The following ROBO2 variants were observed in gnomAD, a reference collection of about 807,000 sequenced individuals.
The protein encoded by ROBO2 is roundabout homolog 2.
A neutral mutation model predicts 160.8 loss-of-function variants in ROBO2; 53 were observed. The ratio of observed to expected loss-of-function variants is 0.33; its 90% CI spans 0.26 to 0.41. The LOEUF (loss-of-function observed/expected upper bound fraction) is 0.41. Among genes scored for constraint, ROBO2 ranks in the 10% least tolerant of loss-of-function variants. The pLI is 1.00. For missense variants in ROBO2, 1,577 were observed against 1,722.4 expected (o/e 0.92, Z 1.49); for synonymous variants, 664 against 611.7 (o/e 1.09, Z -1.26).
intron 2 of ROBO2, among the ~76,000 whole-genome samples, chr3:76,569,597 A>G (rs1166797193): frequency 6.6e-6 from 1 of 152,160 alleles, no homozygotes; most frequent in East Asian, 1.9e-4. Flanking sequence ...GTGATTCAGT[A>G]ATATTTTAAT....
In ROBO2 at chr3:77,040,386, AAC is replaced by A. The variant is rs1388855125; in HGVS notation, c.-397_-396del. The A allele has an allele frequency of 2.0e-6, 2 of 1,009,662 alleles. No individual in the cohort carries two copies. The highest frequency in any genetic ancestry group is 2.4e-6 in the Non-Finnish European group (2 of 846,538). The allele number at this position is 1,009,662 out of a possible 1,614,324, so 62.5% of individuals were successfully genotyped here. ...CGGCAGCGCGCTGGCAAGTTTGTGG[AAC>A]ACTTTCTAGGAATTAGGTCTTTTCC... is the stretch of plus-strand genomic sequence containing the variant. On this transcript the variant is annotated 5_prime_UTR_variant, in exon 1 of 26. An upstream open reading frame in the 5' UTR gains an earlier in-frame stop. Coordinates refer to ENST00000461745, the Ensembl canonical transcript of ROBO2.
At chr3:76,628,447 T>TTC (rs895477647) in intron 2 of ROBO2, among the ~76,000 whole-genome samples, 4 of 151,180 alleles carry the variant, frequency 2.6e-5, no homozygotes, top group Non-Finnish European at 4.4e-5. Flanking sequence ...TTTTTTTTTT[T>TTC]TTTAGAGATG....
intron 19 of ROBO2, 75 bp from the exon 21 acceptor site, chr3:77,602,135 T>G: frequency 6.8e-7 from 1 of 1,464,416 alleles, no homozygotes; most frequent in Non-Finnish European, 9.6e-7. Flanking sequence ...CACACTTATT[T>G]TTCATCTTCA....
intron 2 of ROBO2, among the ~76,000 whole-genome samples, chr3:77,130,905 T>C (rs143258219): frequency 7.4e-4 from 112 of 152,332 alleles, no homozygotes; most frequent in African/African-American, 2.6e-3. Context: ...ACTGACAGTA[T>C]GGTTAGCATT....
chr3:77,577,745 G>T (rs1234501277), intron 15 of ROBO2, 131 bp downstream of exon 16: 1 of 1,140,754 alleles, frequency 8.8e-7, no homozygotes, highest in Non-Finnish European at 1.3e-6. Context: ...TTATATTTCT[G>T]TGTGACAGAG....
At chr3:77,294,702 A>G (rs2061822564) in intron 2 of ROBO2, among the ~76,000 whole-genome samples, 1 of 149,148 alleles carries the variant, frequency 6.7e-6, no homozygotes, top group Non-Finnish European at 1.5e-5. Context: ...CTGAGGCTAG[A>G]TCACCAAAGA....
intron 2 of ROBO2, among the ~76,000 whole-genome samples, chr3:77,291,550 A>T (rs2061260294): frequency 6.6e-6 from 1 of 151,396 alleles, no homozygotes; most frequent in Admixed American, 6.6e-5. Context: ...ATCACCCCAG[A>T]CATAAAGTAA....
At chr3:76,051,414 A>G (rs1351789014) in intron 2 of ROBO2, among the ~76,000 whole-genome samples, 1 of 152,200 alleles carries the variant, frequency 6.6e-6, no homozygotes, top group Non-Finnish European at 1.5e-5. Context: ...TTTCACATGT[A>G]TATTACACAT....
intron 2 of ROBO2, among the ~76,000 whole-genome samples, chr3:76,217,537 CT>C (rs1703636117): frequency 6.6e-6 from 1 of 152,194 alleles, no homozygotes; most frequent in Non-Finnish European, 1.5e-5. Context: ...ATAAAAACCT[CT>C]ACGCAAATAA....
At chr3:75,989,366 T>A (rs2107501109) in intron 2 of ROBO2, among the ~76,000 whole-genome samples, 1 of 152,244 alleles carries the variant, frequency 6.6e-6, no homozygotes. Flanking sequence ...TCCACCTGCC[T>A]CAGCCTCCCA....
intron 2 of ROBO2, among the ~76,000 whole-genome samples, chr3:76,458,786 A>G (rs969500515): frequency 6.6e-6 from 1 of 152,190 alleles, no homozygotes; most frequent in African/African-American, 2.4e-5. Context: ...AGGAAGAAGC[A>G]AAAGCGGAAA....
chr3:77,219,065 T>C (rs1168389100), intron 2 of ROBO2, among the ~76,000 whole-genome samples: 1 of 152,028 alleles, frequency 6.6e-6, no homozygotes, highest in Admixed American at 6.6e-5. Context: ...GCCTTCTGGG[T>C]TCAAGTGATT....
At chr3:77,022,735 T>A (rs1264163621) in intron 2 of ROBO2, among the ~76,000 whole-genome samples, 1 of 152,192 alleles carries the variant, frequency 6.6e-6, no homozygotes, top group Non-Finnish European at 1.5e-5. Context: ...ATATCACACC[T>A]TTCTGTTCCT....
At chr3:77,583,073 C>T (rs889801779) in intron 16 of ROBO2, among the ~76,000 whole-genome samples, 3 of 135,238 alleles carry the variant, frequency 2.2e-5, no homozygotes, top group East Asian at 2.4e-4. Context: ...ACTTGGGAGG[C>T]GGAGGTTGCA....
exon 23 of ROBO2, chr3:77,622,327 G>C: frequency 1.9e-6 from 3 of 1,614,178 alleles, no homozygotes; most frequent in Non-Finnish European, 2.5e-6. Flanking sequence ...TGTTGCAGAT[G>C]ATGATGCCGA....
chr3:76,367,453 G>A (rs889198428), intron 2 of ROBO2, among the ~76,000 whole-genome samples: 1 of 151,668 alleles, frequency 6.6e-6, no homozygotes. Context: ...AGCACATTGC[G>A]GGATACTAGA....
intron 2 of ROBO2, among the ~76,000 whole-genome samples, chr3:76,078,721 A>T (rs1273054886): frequency 7.2e-6 from 1 of 138,840 alleles, no homozygotes; most frequent in Non-Finnish European, 1.6e-5. Context: ...AACTAATGTA[A>T]CACAATATTT....
chr3:76,350,241 T>C (rs150723062), intron 2 of ROBO2, among the ~76,000 whole-genome samples: 19 of 152,252 alleles, frequency 1.2e-4, no homozygotes, highest in African/African-American at 4.3e-4. Flanking sequence ...CTACTCACAG[T>C]ACACTTATGC....
At chr3:77,005,750 T>C (rs1262674101) in intron 2 of ROBO2, among the ~76,000 whole-genome samples, 2 of 152,144 alleles carry the variant, frequency 1.3e-5, no homozygotes, top group African/African-American at 4.8e-5. Context: ...CGACCCACAA[T>C]GTGAATTTGG....
Sources: gnomAD v4.1 joint callset for allele counts (sites outside exome capture counted in the v4.1 genomes callset) on GRCh38, gnomAD v4.1.1 for gene constraint, MANE v1.5 for transcripts, NCBI Gene and HGNC (gene_info 2026-07-23, HGNC 2026-07-21) for gene names.